AXDND1: variants seen among roughly 807,000 people sequenced by gnomAD.
The protein encoded by AXDND1 is axonemal dynein light chain domain containing 1.
A neutral mutation model predicts 137.5 loss-of-function variants in AXDND1; 110 were observed. The observed-to-expected ratio is 0.80, with a 90% confidence interval of 0.69 to 0.94. The LOEUF (loss-of-function observed/expected upper bound fraction) is 0.94. Among genes scored for constraint, AXDND1 ranks in the 40% least tolerant of loss-of-function variants. The pLI, the probability that AXDND1 is intolerant of heterozygous loss-of-function variation, is 0.00. For synonymous variants in AXDND1, 414 were observed against 399.7 expected (o/e 1.04, Z -0.43); for missense variants, 1,191 against 1,169.8 (o/e 1.02, Z -0.26).
rs147763211 is a variant in AXDND1, at chr1:179,430,499, A to G, written c.1380A>G (p.Arg460=). ...ALLQKLTQKW[R]NLVNKLKQEV... is the part of the protein sequence containing the mutation. ...TGCAGAAGTTGACACAAAAATGGAG[A>G]AACTTAGTGAATAAACTTAAACAAG... The change falls in exon 14 of 26, where the codon AGA becomes AGG. Residue 460 remains arginine (R), a synonymous_variant. Coordinates refer to ENST00000367618, the MANE Select transcript of AXDND1 (RefSeq NM_144696.6). The G allele has an allele frequency of 2.7e-5, 43 of 1,613,908 alleles. No individual in the cohort carries two copies. Among genetic ancestry groups the G allele is most frequent in the Non-Finnish European group, 3.3e-5 (39 of 1,179,964 alleles).
intron 8 of AXDND1, among the ~76,000 whole-genome samples, chr1:179,384,946 T>A (rs1648965387): frequency 6.6e-6 from 1 of 152,076 alleles, no homozygotes; most frequent in African/African-American, 2.4e-5. Context: ...ATATTTTTTG[T>A]ACAGACAGGG....
At chr1:179,475,475 A>G (rs2125508842) in intron 17 of AXDND1, among the ~76,000 whole-genome samples, 1 of 152,356 alleles carries the variant, frequency 6.6e-6, no homozygotes, top group South Asian at 2.1e-4. Context: ...AAAAGAGATT[A>G]TTTAGAAGCT....
At chr1:179,483,023 TA>T in intron 17 of AXDND1, 104 bp from the exon 18 acceptor site, 1 of 683,004 alleles carries the variant, frequency 1.5e-6, no homozygotes, top group Non-Finnish European at 2.4e-6. Flanking sequence ...TGTCAACATC[TA>T]AGTTTACAAT....
At position 179,431,904 on chromosome 1, in the gene AXDND1, G is replaced by A. The variant is rs57086924; in HGVS notation, c.1488-363G>A. 3.9e-3 allele frequency among the ~76,000 whole-genome samples: 594 copies of A among 152,290 alleles called. 6 individuals are homozygous for A. Among genetic ancestry groups the A allele is most frequent in the African/African-American group, 0.013 (552 of 41,552 alleles). On this transcript the variant is annotated intron_variant, in intron 14 of 25. Coordinates refer to ENST00000367618, the MANE Select transcript of AXDND1 (RefSeq NM_144696.6). ...AGAAGTTGGGATTTCTGGCTTAAAT[G>A]TTGAGTCTTAATCACTGTAAAGGCT...
chr1:179,372,052 A>G (rs12752024), intron 4 of AXDND1, among the ~76,000 whole-genome samples: 97,635 of 151,982 alleles, frequency 0.64, 31,753 homozygotes, highest in Middle Eastern at 0.71. Flanking sequence ...TAATAAATTT[A>G]TGTTGTTTAA....
intron 25 of AXDND1, 101 bp from the exon 26 acceptor site, chr1:179,554,411 A>AT (rs1553313436): frequency 6.2e-7 from 1 of 1,603,162 alleles, no homozygotes; most frequent in African/African-American, 1.3e-5. Context: ...CAAATGAAAA[A>AT]TTTAAAATGA....
intron 16 of AXDND1, among the ~76,000 whole-genome samples, chr1:179,447,302 G>A (rs1659878222): frequency 6.6e-6 from 1 of 152,162 alleles, no homozygotes. Flanking sequence ...ACATGAGTGA[G>A]AACATGCAAT....
intron 20 of AXDND1, chr1:179,506,797 A>C (rs1349004222): frequency 1.1e-6 from 1 of 948,428 alleles, no homozygotes; most frequent in Non-Finnish European, 1.3e-6. Context: ...TCTGCCATCC[A>C]CCTTGGACCA....
chr1:179,550,970 T>G, intron 25 of AXDND1: 1 of 642,776 alleles, frequency 1.6e-6, no homozygotes, highest in Non-Finnish European at 2.7e-6. Context: ...ACTAGATGAG[T>G]CACGGAAACA....
At chr1:179,366,647 G>A (rs374312336) in intron 2 of AXDND1, 41 bp downstream of exon 2, 56 of 1,515,668 alleles carry the variant, frequency 3.7e-5, no homozygotes, top group Non-Finnish European at 4.8e-5. Flanking sequence ...AGTCATGGCC[G>A]TAAGACAGAA....
At chr1:179,398,846 T>C (rs1202660893) in intron 11 of AXDND1, among the ~76,000 whole-genome samples, 1 of 135,030 alleles carries the variant, frequency 7.4e-6, no homozygotes, top group Non-Finnish European at 1.6e-5. Context: ...GTCACTGTAA[T>C]GGATCAAAGC....
chr1:179,378,393 C>T (rs1204410466), intron 4 of AXDND1, among the ~76,000 whole-genome samples: 1 of 151,972 alleles, frequency 6.6e-6, no homozygotes, highest in Non-Finnish European at 1.5e-5. Context: ...ATATTTTAAC[C>T]TCATACTGAA....
Position 179,468,450 on chromosome 1 carries a change from C to A in AXDND1, c.1806C>A (p.Ser602=). ...CTTTTCTTACTTTTCTAGGTTACTC[C>A]AAAATTCTTCCAAGTTTGATTAGTT... ...EIRINGDNGY[S]KILPSLISSL... The change falls in exon 17 of 26, where the codon TCC becomes TCA. Residue 602 remains serine (S), a synonymous_variant. Coordinates refer to ENST00000367618, the MANE Select transcript of AXDND1 (RefSeq NM_144696.6). The A allele has an allele frequency of 6.2e-7, 1 of 1,605,038 alleles. No individual in the cohort carries two copies. The highest frequency in any genetic ancestry group is 1.1e-5 in the South Asian group (1 of 89,514).
chr1:179,492,261 GGTA>G (rs1666988018), intron 19 of AXDND1, among the ~76,000 whole-genome samples: 1 of 151,988 alleles, frequency 6.6e-6, no homozygotes, highest in South Asian at 2.1e-4. Flanking sequence ...TTTTAGTAGA[GGTA>G]GAGTTTTGCC....
chr1:179,484,081 C>G (rs1665740957), intron 18 of AXDND1, among the ~76,000 whole-genome samples: 1 of 152,194 alleles, frequency 6.6e-6, no homozygotes, highest in South Asian at 2.1e-4. Flanking sequence ...ATACCACACA[C>G]TGGGACTCCT....
chr1:179,537,829 T>G (rs947473191), intron 25 of AXDND1, among the ~76,000 whole-genome samples: 5 of 152,186 alleles, frequency 3.3e-5, no homozygotes, highest in African/African-American at 1.2e-4. Context: ...TCCTGGACTT[T>G]TTTTGGTTGG....
intron 16 of AXDND1, among the ~76,000 whole-genome samples, chr1:179,461,038 A>G (rs974551984): frequency 2.4e-4 from 37 of 152,182 alleles, no homozygotes; most frequent in Non-Finnish European, 4.4e-4. Context: ...TTTGCTGTGC[A>G]GAAGCTCTTT....
intron 16 of AXDND1, among the ~76,000 whole-genome samples, chr1:179,457,849 T>C (rs1172790813): frequency 6.6e-6 from 1 of 152,166 alleles, no homozygotes. Context: ...ATACCTTGTA[T>C]TTGGAGTGAG....
chr1:179,378,829 T>C, intron 5 of AXDND1, 72 bp downstream of exon 5: 1 of 1,189,976 alleles, frequency 8.4e-7, no homozygotes, highest in Non-Finnish European at 1.1e-6. Flanking sequence ...AAATGATTTT[T>C]AATATAAATA....
Sources: gnomAD v4.1 joint callset for allele counts (sites outside exome capture counted in the v4.1 genomes callset) on GRCh38, gnomAD v4.1.1 for gene constraint, MANE v1.5 for transcripts, NCBI Gene and HGNC (gene_info 2026-07-23, HGNC 2026-07-21) for gene names.